TTC33: variants seen among roughly 807,000 people sequenced by gnomAD.
TTC33 encodes the protein tetratricopeptide repeat domain 33.
Under a neutral mutation model 29.4 loss-of-function variants are expected in TTC33, and 24 were observed. The observed-to-expected ratio is 0.82, with a 90% CI of 0.59 to 1.15. TTC33 has a LOEUF of 1.15. Ranked by LOEUF, TTC33 falls within the 50% of genes most tolerant of loss-of-function variation. TTC33 has a pLI of 0.00. For synonymous variants in TTC33, 107 were observed against 100.3 expected (o/e 1.07, Z -0.40); for missense variants, 286 against 310.4 (o/e 0.92, Z 0.59).
chr5:40,743,474 C>G (rs1408970701), intron 2 of TTC33, among the ~76,000 whole-genome samples: 1 of 151,938 alleles, frequency 6.6e-6, no homozygotes, highest in Admixed American at 6.6e-5. Flanking sequence ...AGTTTAGTAG[C>G]CTCTTAAATA....
At chr5:40,741,298 T>C (rs1049348777) in intron 2 of TTC33, among the ~76,000 whole-genome samples, 1 of 152,192 alleles carries the variant, frequency 6.6e-6, no homozygotes, top group African/African-American at 2.4e-5. Flanking sequence ...AGTGTAGTCA[T>C]TCTACTAAGA....
At position 40,738,564 on chromosome 5, in the gene TTC33, AAAT is replaced by A. The variant is rs1202619298; in HGVS notation, c.222-8224_222-8222del. 2.5e-3 allele frequency among the ~76,000 whole-genome samples: 273 copies of A among 109,560 alleles called. 2 individuals carry two copies. Among genetic ancestry groups the A allele is most frequent in the African/African-American group, 8.0e-3 (263 of 33,074 alleles). 71.9% of individuals were successfully genotyped at this position (109,560 alleles called of 152,430 possible). The stretch of plus-strand genomic sequence containing the variant: ...CAATAAAATAAAATAAAATAAAATA[AAAT>A]ATAAAATAAAATAAAATAAAATAAA... On this transcript the variant is annotated intron_variant, in intron 2 of 4. Transcript: ENST00000337702.
intron 2 of TTC33, among the ~76,000 whole-genome samples, chr5:40,742,853 C>T (rs760752041): frequency 6.6e-5 from 10 of 152,002 alleles, no homozygotes; most frequent in Non-Finnish European, 1.3e-4. Flanking sequence ...AGTTTTTAAA[C>T]GTATATTCTA....
rs1246269098 is a variant in TTC33, at chr5:40,728,493, A to G, written c.304-17T>C. The stretch of plus-strand genomic sequence containing the variant: ...CATTAGCACCTATAGGCAAAAAAAG[A>G]CCAAAAAATCTGTCAGTAATATTCA... On this transcript the variant is annotated splice_polypyrimidine_tract_variant and intron_variant, in intron 3 of 4. Coordinates refer to ENST00000337702, the MANE Select transcript of TTC33 (RefSeq NM_012382.3). The G allele has an allele frequency of 6.3e-7, 1 of 1,577,478 alleles. No homozygotes were observed.
chr5:40,740,811 C>T (rs919537688), intron 2 of TTC33, among the ~76,000 whole-genome samples: 4 of 152,194 alleles, frequency 2.6e-5, no homozygotes, highest in African/African-American at 9.7e-5. Context: ...AGTGATTCCC[C>T]TAATGAAATC....
At chr5:40,730,490 C>T (rs1266709447) in intron 2 of TTC33, 147 bp from the exon 3 acceptor site, 2 of 558,694 alleles carry the variant, frequency 3.6e-6, no homozygotes, top group East Asian at 2.9e-5. Context: ...GCATTAAGTA[C>T]ATATAGTTCA....
Position 40,712,796 on chromosome 5 carries a change from A to G in TTC33, c.*3349T>C, listed in dbSNP as rs1741922661. On this transcript the variant is annotated 3_prime_UTR_variant, in exon 5 of 5. Transcript: ENST00000337702. Reference sequence around the variant, plus strand: ...TTGGTAAATGGATAGCCTAAGAAGCACTGTGAGAGGAAGCCATCCTTACCC... The same window carrying G: ...TTGGTAAATGGATAGCCTAAGAAGCGCTGTGAGAGGAAGCCATCCTTACCC... 2.6e-5 allele frequency among the ~76,000 whole-genome samples: 4 copies of G among 152,130 alleles called. No individual in the cohort carries two copies. In the South Asian group the frequency reaches 8.3e-4, roughly 31 times the overall value.
chr5:40,713,624 T>A lies in TTC33; in HGVS notation c.*2521A>T, dbSNP rs868391440. ...AGCCTGTTTTCTAGAGAATGATATA[T>A]GATTCTTGTGTTATCAGGCATGGTC... On this transcript the variant is annotated 3_prime_UTR_variant, in exon 5 of 5. Coordinates refer to ENST00000337702, the MANE Select transcript of TTC33 (RefSeq NM_012382.3). Among the ~76,000 whole-genome samples the A allele has an allele frequency of 1.3e-5, 2 of 152,190 alleles. No homozygotes were observed. Among genetic ancestry groups the A allele is most frequent in the Admixed American group, 1.3e-4 (2 of 15,276 alleles).
At chr5:40,736,650 C>T (rs567257092) in intron 2 of TTC33, among the ~76,000 whole-genome samples, 1 of 152,130 alleles carries the variant, frequency 6.6e-6, no homozygotes, top group East Asian at 1.9e-4. Context: ...ATATAAAATC[C>T]TAAAATATTA....
chr5:40,732,850 T>C (rs576559445), intron 2 of TTC33, among the ~76,000 whole-genome samples: 1 of 152,158 alleles, frequency 6.6e-6, no homozygotes, highest in African/African-American at 2.4e-5. Flanking sequence ...TCAACTGATC[T>C]GCCCGCCTCG....
At position 40,733,754 on chromosome 5, in the gene TTC33, C is replaced by T. The variant is rs114342245; in HGVS notation, c.222-3411G>A. ...TACTGCTGAGAACAGGATGGCTTAT[C>T]CCGTCCCCAACCCCACAAAGCTGCT... On this transcript the variant is annotated intron_variant, in intron 2 of 4. Coordinates refer to ENST00000337702, the MANE Select transcript of TTC33 (RefSeq NM_012382.3). 2.9e-3 allele frequency among the ~76,000 whole-genome samples: 448 copies of T among 152,276 alleles called. 3 individuals carry two copies. The highest frequency in any genetic ancestry group is 0.01 in the African/African-American group (435 of 41,558).
chr5:40,728,024 G>A (rs895279895), intron 4 of TTC33, among the ~76,000 whole-genome samples: 7 of 152,078 alleles, frequency 4.6e-5, no homozygotes, highest in Admixed American at 2.6e-4. Flanking sequence ...GCTCACGCCT[G>A]TAATCCCAGC....
intron 2 of TTC33, among the ~76,000 whole-genome samples, chr5:40,743,230 G>T (rs1742727622): frequency 6.6e-6 from 1 of 152,098 alleles, no homozygotes; most frequent in Admixed American, 6.6e-5. Context: ...TGACAAATGA[G>T]CAGAAATCCA....
rs965813369 is a variant in TTC33 at position 40,721,303 on chromosome 5, A to G, written c.436-4805T>C. 3.9e-5 allele frequency among the ~76,000 whole-genome samples: 6 copies of G among 152,308 alleles called. No individual in the cohort carries two copies. The South Asian group carries it at 1.2e-3, about 32-fold the overall frequency. On this transcript the variant is annotated intron_variant, in intron 4 of 4. Coordinates refer to ENST00000337702, the MANE Select transcript of TTC33 (RefSeq NM_012382.3). The stretch of plus-strand genomic sequence containing the variant: ...GGCACAAAGTAAATGGACAAAATCA[A>G]TTTTAGAAGTAAGAACAAAACTAGG...
chr5:40,716,216 T>C lies in TTC33; in HGVS notation c.718A>G (p.Ile240Val), dbSNP rs1741994312. Residue 240 changes from isoleucine to valine, a missense_variant, in exon 5 of 5, where the codon ATA becomes GTA. Coordinates refer to ENST00000337702, the MANE Select transcript of TTC33 (RefSeq NM_012382.3). ...TCCTCCTTTTCAGTTACAGTCTCTATGGCCCCAGAAGCAGACACAATAACC... is the reference window on the plus strand; with the variant it reads ...TCCTCCTTTTCAGTTACAGTCTCTACGGCCCCAGAAGCAGACACAATAACC... ...TMVIVSASGAIETVTEKEDGA... is the reference protein window; with the variant it reads ...TMVIVSASGAVETVTEKEDGA... 4 of 1,614,086 alleles carry C rather than the reference T, an allele frequency of 2.5e-6. No individual in the cohort carries two copies. The highest frequency in any genetic ancestry group is 1.3e-5 in the African/African-American group (1 of 74,936).
chr5:40,746,194 A>T (rs1742784854), intron 2 of TTC33, among the ~76,000 whole-genome samples: 1 of 152,176 alleles, frequency 6.6e-6, no homozygotes. Context: ...TCTAAGCAGA[A>T]AAAGGAGAAA....
intron 4 of TTC33, 141 bp from the exon 5 acceptor site, chr5:40,716,639 A>G (rs1266192092): frequency 1.6e-6 from 1 of 607,066 alleles, no homozygotes; most frequent in Non-Finnish European, 2.8e-6. Context: ...CAAAAGATGG[A>G]AGCTACGGTG....
chr5:40,743,939 G>A (rs1391661435), intron 2 of TTC33, among the ~76,000 whole-genome samples: 3 of 152,134 alleles, frequency 2.0e-5, no homozygotes, highest in African/African-American at 7.2e-5. Flanking sequence ...CGACATACAG[G>A]CAGAAAACAA....
Position 40,747,113 on chromosome 5 carries a change from C to G in TTC33, c.-1-94G>C, listed in dbSNP as rs572738968. ...CACTCTCGTTGCCCAGGCTGGAGTA[C>G]GATGGCACGACCTCGGCTCACCGTA... On this transcript the variant is annotated intron_variant, in intron 1 of 4. Coordinates refer to ENST00000337702, the MANE Select transcript of TTC33 (RefSeq NM_012382.3). The G allele has an allele frequency of 6.1e-5, 68 of 1,112,676 alleles. No homozygotes were observed. In the African/African-American group the frequency reaches 9.1e-4, roughly 15 times the overall value. The allele number at this position is 1,112,676 out of a possible 1,614,324, so 68.9% of individuals were successfully genotyped here.
Sources: allele counts gnomAD v4.1 joint callset (sites outside exome capture counted in the v4.1 genomes callset), GRCh38; gene constraint gnomAD v4.1.1; transcripts MANE v1.5; gene names NCBI Gene and HGNC (gene_info 2026-07-23, HGNC 2026-07-21).